CREB5: variants seen among roughly 807,000 people sequenced by gnomAD.
CREB5 encodes the protein cyclic AMP-responsive element-binding protein 5.
Under a neutral mutation model 57.1 loss-of-function variants are expected in CREB5, and 19 were observed. The ratio of observed to expected loss-of-function variants is 0.33; its 90% CI spans 0.23 to 0.49. The LOEUF is 0.49. Among genes scored for constraint, CREB5 ranks in the 20% least tolerant of loss-of-function variants. The pLI, the probability that CREB5 is intolerant of heterozygous loss-of-function variation, is 0.99. For synonymous variants in CREB5, 238 were observed against 238.3 expected (o/e 1.00, Z 0.01); for missense variants, 579 against 671.6 (o/e 0.86, Z 1.52).
Position 28,536,948 on chromosome 7 carries a change from A to T in CREB5, c.291+29211A>T, listed in dbSNP as rs575897532. Among the ~76,000 whole-genome samples the T allele has an allele frequency of 7.2e-5, 11 of 152,350 alleles. No individual in the cohort carries two copies. The South Asian group carries it at 2.1e-3, about 29-fold the overall frequency. On this transcript the variant is annotated intron_variant, in intron 4 of 10. Transcript: ENST00000357727. ...TTTGCTTTTTTCCAAAAGTGGTACCACTGCTTAACCATGCTGATCCCCTAC... is the reference window on the plus strand; with the variant it reads ...TTTGCTTTTTTCCAAAAGTGGTACCTCTGCTTAACCATGCTGATCCCCTAC...
chr7:28,647,707 A>G (rs1197175726), intron 5 of CREB5, among the ~76,000 whole-genome samples: 2 of 152,208 alleles, frequency 1.3e-5, no homozygotes, highest in East Asian at 1.9e-4. Flanking sequence ...GTAGGTCAGC[A>G]TTGTCCAGTA....
chr7:28,676,851 A>C (rs1250790731), intron 5 of CREB5, among the ~76,000 whole-genome samples: 1 of 152,170 alleles, frequency 6.6e-6, no homozygotes, highest in Non-Finnish European at 1.5e-5. Flanking sequence ...CAAAATAAAC[A>C]TCTGGAAATG....
rs563411033 is a variant in CREB5 at position 28,820,124 on chromosome 7, C to T, written c.*845C>T. On this transcript the variant is annotated 3_prime_UTR_variant, in exon 11 of 11. Transcript: ENST00000357727. ...TAGTAACCAGGAGATGTTTAATGTG[C>T]CTGATTTAATGTTTTTAATAATCAC... 13 of 152,232 alleles carry T rather than the reference C, an allele frequency of 8.5e-5. No homozygotes were observed. Among genetic ancestry groups the T allele is most frequent in the African/African-American group, 3.1e-4 (13 of 41,504 alleles). 9.4% of individuals were successfully genotyped at this position (152,232 alleles called of 1,614,324 possible). A position where few individuals can be genotyped will look rare whatever the true frequency, so the allele number is the denominator to read the frequency against.
At chr7:28,595,662 C>T (rs188159750) in intron 5 of CREB5, among the ~76,000 whole-genome samples, 231 of 152,304 alleles carry the variant, frequency 1.5e-3, no homozygotes, top group African/African-American at 5.1e-3. Context: ...TACTTCTCAA[C>T]GCTTCTCACC....
Position 28,628,854 on chromosome 7 carries a change from C to T in CREB5, c.464+58317C>T, listed in dbSNP as rs575963402. 2.2e-4 allele frequency among the ~76,000 whole-genome samples: 33 copies of T among 152,288 alleles called. No individual in the cohort carries two copies. In the South Asian group the frequency reaches 4.6e-3, roughly 21 times the overall value. On this transcript the variant is annotated intron_variant, in intron 5 of 10. Coordinates refer to ENST00000357727, the MANE Select transcript of CREB5 (RefSeq NM_182898.4). ...AAGAACAGTCTTGGTTCATGAACTA[C>T]AGTCTAGCTGGGGGGAGAAAAGATT...
chr7:28,784,633 C>T (rs1807203373), intron 7 of CREB5, among the ~76,000 whole-genome samples: 1 of 152,052 alleles, frequency 6.6e-6, no homozygotes, highest in African/African-American at 2.4e-5. Flanking sequence ...AATTTCGCGC[C>T]AGTGTGTGGG....
chr7:28,756,101 C>T (rs1805281954), intron 7 of CREB5, among the ~76,000 whole-genome samples: 1 of 151,998 alleles, frequency 6.6e-6, no homozygotes, highest in Non-Finnish European at 1.5e-5. Flanking sequence ...GTATGCAAAC[C>T]CTCCTACCTC....
intron 5 of CREB5, among the ~76,000 whole-genome samples, chr7:28,678,759 T>C (rs1170945713): frequency 6.6e-6 from 1 of 152,236 alleles, no homozygotes; most frequent in Non-Finnish European, 1.5e-5. Context: ...ATAATTTCAT[T>C]TGGAAGACCC....
At chr7:28,396,951 G>A (rs1049933686) in intron 1 of CREB5, among the ~76,000 whole-genome samples, 6 of 152,120 alleles carry the variant, frequency 3.9e-5, no homozygotes, top group African/African-American at 1.4e-4. Context: ...ACAAACCTGA[G>A]TCTCTTTTTA....
At chr7:28,343,657 C>T (rs944684823) in intron 1 of CREB5, among the ~76,000 whole-genome samples, 1 of 152,154 alleles carries the variant, frequency 6.6e-6, no homozygotes, top group Non-Finnish European at 1.5e-5. Flanking sequence ...CATATCTTGG[C>T]TATTGCGCAA....
At chr7:28,768,010 A>G (rs185208418) in intron 7 of CREB5, among the ~76,000 whole-genome samples, 6 of 152,386 alleles carry the variant, frequency 3.9e-5, no homozygotes, top group Admixed American at 3.3e-4. Flanking sequence ...TAAGATCCCC[A>G]TAAGGATAGG....
At chr7:28,680,458 A>G (rs1800532485) in intron 5 of CREB5, among the ~76,000 whole-genome samples, 1 of 152,142 alleles carries the variant, frequency 6.6e-6, no homozygotes, top group African/African-American at 2.4e-5. Context: ...TTTTACCCAC[A>G]AAAGTTTGGA....
Position 28,649,131 on chromosome 7 carries a change from T to A in CREB5, c.465-69622T>A, listed in dbSNP as rs539805421. On this transcript the variant is annotated intron_variant, in intron 5 of 10. Coordinates refer to ENST00000357727, the MANE Select transcript of CREB5 (RefSeq NM_182898.4). Reference sequence around the variant, plus strand: ...CATATGTGGTCAAAGGTGAACTATATACGAAGCAGGCAGTTGAAATCTCTG... The same window carrying A: ...CATATGTGGTCAAAGGTGAACTATAAACGAAGCAGGCAGTTGAAATCTCTG... 2.6e-5 allele frequency among the ~76,000 whole-genome samples: 4 copies of A among 152,302 alleles called. No homozygotes were observed. In the South Asian group the frequency reaches 8.3e-4, roughly 32 times the overall value.
intron 5 of CREB5, among the ~76,000 whole-genome samples, chr7:28,613,256 T>C (rs1022636282): frequency 1.3e-5 from 2 of 152,228 alleles, no homozygotes; most frequent in Non-Finnish European, 2.9e-5. Context: ...TGCAAATGTG[T>C]GACCGTCTAA....
intron 7 of CREB5, among the ~76,000 whole-genome samples, chr7:28,735,970 A>G (rs1803954455): frequency 6.6e-6 from 1 of 151,778 alleles, no homozygotes; most frequent in African/African-American, 2.4e-5. Flanking sequence ...ACGCCCAGCT[A>G]TTTTTAAATT....
intron 7 of CREB5, among the ~76,000 whole-genome samples, chr7:28,783,771 G>A (rs1384540316): frequency 6.6e-6 from 1 of 152,092 alleles, no homozygotes; most frequent in African/African-American, 2.4e-5. Context: ...CACTGCATGG[G>A]AATTAACTCT....
At chr7:28,383,559 G>A (rs1158355355) in intron 1 of CREB5, among the ~76,000 whole-genome samples, 1 of 152,138 alleles carries the variant, frequency 6.6e-6, no homozygotes, top group Non-Finnish European at 1.5e-5. Flanking sequence ...GTGAGAGCAG[G>A]CTCATCTCAC....
intron 5 of CREB5, among the ~76,000 whole-genome samples, chr7:28,641,358 C>T (rs373021250): frequency 1.3e-5 from 2 of 152,168 alleles, no homozygotes; most frequent in Admixed American, 1.3e-4. Context: ...AAGGGGAAAG[C>T]GTGGAACCAA....
chr7:28,501,829 C>T (rs1051719682), intron 3 of CREB5, among the ~76,000 whole-genome samples: 1 of 152,158 alleles, frequency 6.6e-6, no homozygotes, highest in Non-Finnish European at 1.5e-5. Flanking sequence ...TAATTGGTTA[C>T]TTTAAAACTA....
Sources: gnomAD v4.1 joint callset for allele counts (sites outside exome capture counted in the v4.1 genomes callset) on GRCh38, gnomAD v4.1.1 for gene constraint, MANE v1.5 for transcripts, NCBI Gene and HGNC (gene_info 2026-07-23, HGNC 2026-07-21) for gene names.